TBC1D13: variants seen among roughly 807,000 people sequenced by gnomAD.
The protein encoded by TBC1D13 is epididymis secretory sperm binding protein.
Under a neutral mutation model 53.6 loss-of-function variants are expected in TBC1D13, and 40 were observed. The observed-to-expected ratio is 0.75, with a 90% confidence interval of 0.58 to 0.97. The LOEUF (loss-of-function observed/expected upper bound fraction) is 0.97. Ranked by LOEUF, TBC1D13 falls within the 50% of genes least tolerant of loss-of-function variation. TBC1D13 has a pLI of 0.00. For synonymous variants in TBC1D13, 182 were observed against 197.7 expected (o/e 0.92, Z 0.67); for missense variants, 377 against 499.4 (o/e 0.75, Z 2.34).
Position 128,808,075 on chromosome 9 carries a change from A to C in TBC1D13, c.*196A>C. 1 of 596,270 alleles carries C rather than the reference A, an allele frequency of 1.7e-6. No individual in the cohort carries two copies. The highest frequency in any genetic ancestry group is 1.9e-5 in the African/African-American group (1 of 53,856). The allele number at this position is 596,270 out of a possible 1,614,324, so 36.9% of individuals were successfully genotyped here. A position where few individuals can be genotyped will look rare whatever the true frequency, so the allele number is the denominator to read the frequency against. On this transcript the variant is annotated 3_prime_UTR_variant, in exon 12 of 12. Transcript: ENST00000372648. ...ACGCCCAGCTCCCCACCTGCCCTGC[A>C]CTCTGCCCTCTTTGCCCAGGATACT...
chr9:128,804,590 T>G (rs1829793963), intron 9 of TBC1D13, among the ~76,000 whole-genome samples: 1 of 151,340 alleles, frequency 6.6e-6, no homozygotes, highest in African/African-American at 2.4e-5. Flanking sequence ...GTATTTTTAG[T>G]AGAGATGGAG....
chr9:128,808,467 G>A lies in TBC1D13; in HGVS notation c.*588G>A, dbSNP rs1018903397. The A allele has an allele frequency of 6.2e-6, 1 of 161,098 alleles. No individual in the cohort carries two copies. The highest frequency in any genetic ancestry group is 1.3e-5 in the Non-Finnish European group (1 of 74,902). The allele number at this position is 161,098 out of a possible 1,614,324, so 10.0% of individuals were successfully genotyped here. A position where few individuals can be genotyped will look rare whatever the true frequency, so the allele number is the denominator to read the frequency against. The stretch of plus-strand genomic sequence containing the variant: ...TGTGTGTGTGTGTGTTAGGGAGTGA[G>A]GGTCTCTCAGGCCTCCAGGTCTCCC... On this transcript the variant is annotated 3_prime_UTR_variant, in exon 12 of 12. Coordinates refer to ENST00000372648, the MANE Select transcript of TBC1D13 (RefSeq NM_018201.5).
Position 128,803,428 on chromosome 9 carries a change from C to G in TBC1D13, c.722C>G (p.Thr241Ser), listed in dbSNP as rs1388884936. ...MNEIVGPLYY[T>S]FATDPNSEWK... is the part of the protein sequence containing the mutation. The stretch of plus-strand genomic sequence containing the variant: ...GAAATCGTGGGGCCCCTCTACTACA[C>G]CTTTGCCACCGACCCCAATAGTGAG... The change falls in exon 8 of 12, where the codon ACC becomes AGC. Residue 241 changes from threonine (T) to serine (S), a missense_variant. Coordinates refer to ENST00000372648, the MANE Select transcript of TBC1D13 (RefSeq NM_018201.5). 2 of 1,614,194 alleles carry G rather than the reference C, an allele frequency of 1.2e-6. No homozygotes were observed. Among genetic ancestry groups the G allele is most frequent in the Admixed American group, 3.3e-5 (2 of 60,022 alleles).
At position 128,806,241 on chromosome 9, in the gene TBC1D13, C is replaced by T; in HGVS notation, c.1080-13C>T. 3.7e-6 allele frequency: 6 copies of T among 1,613,518 alleles called. No individual in the cohort carries two copies. The highest frequency in any genetic ancestry group is 5.1e-6 in the Non-Finnish European group (6 of 1,179,396). On this transcript the variant is annotated splice_polypyrimidine_tract_variant and intron_variant, in intron 10 of 11. Coordinates refer to ENST00000372648, the MANE Select transcript of TBC1D13 (RefSeq NM_018201.5). ...ATCCCAGGTCCCAGCGCTTTTGCTG[C>T]TGCTTTTCATAGGCTGATCCGGGAG... is the stretch of plus-strand genomic sequence containing the variant.
Position 128,803,431 on chromosome 9 carries a change from T to G in TBC1D13, c.725T>G (p.Phe242Cys). ...ATCGTGGGGCCCCTCTACTACACCTTTGCCACCGACCCCAATAGTGAGTGG... is the reference window on the plus strand; with the variant it reads ...ATCGTGGGGCCCCTCTACTACACCTGTGCCACCGACCCCAATAGTGAGTGG... Reference protein sequence around the residue: ...NEIVGPLYYTFATDPNSEWKE... With the variant: ...NEIVGPLYYTCATDPNSEWKE... Residue 242 changes from phenylalanine to cysteine, a missense_variant, in exon 8 of 12, where the codon TTT becomes TGT. Physicochemically the swap from Phe to Cys is radical, Grantham distance 205. Coordinates refer to ENST00000372648, the MANE Select transcript of TBC1D13 (RefSeq NM_018201.5). 6.2e-7 allele frequency: 1 copy of G among 1,614,120 alleles called. No individual in the cohort carries two copies. Among genetic ancestry groups the G allele is most frequent in the Non-Finnish European group, 8.5e-7 (1 of 1,180,016 alleles).
At chr9:128,798,489 C>T (rs916824684) in intron 7 of TBC1D13, among the ~76,000 whole-genome samples, 1 of 152,012 alleles carries the variant, frequency 6.6e-6, no homozygotes, top group Non-Finnish European at 1.5e-5. Flanking sequence ...CTGCTTGTGT[C>T]GGAAATGCTT....
At chr9:128,787,780 C>G (rs1047212565) in intron 1 of TBC1D13, among the ~76,000 whole-genome samples, 1 of 152,090 alleles carries the variant, frequency 6.6e-6, no homozygotes, top group African/African-American at 2.4e-5. Context: ...GGCCCCTCCC[C>G]CAGGCCAGAT....
At chr9:128,803,867 G>A (rs1222630970) in intron 8 of TBC1D13, 89 bp from the exon 9 acceptor site, 28 of 1,539,590 alleles carry the variant, frequency 1.8e-5, no homozygotes, top group South Asian at 3.7e-5. Flanking sequence ...GCAACTCGGC[G>A]GGGCTCAGAG....
At chr9:128,807,666 G>T (rs979835653) in intron 11 of TBC1D13, 148 bp from the exon 12 acceptor site, 38 of 781,746 alleles carry the variant, frequency 4.9e-5, no homozygotes, top group Non-Finnish European at 8.5e-5. Flanking sequence ...GGGGTCTGGG[G>T]GTTGGGGAGT....
chr9:128,791,292 T>A (rs1255183464), intron 3 of TBC1D13, 88 bp from the exon 4 acceptor site: 5 of 1,235,054 alleles, frequency 4.0e-6, no homozygotes, highest in Non-Finnish European at 4.8e-6. Context: ...CTTTATGAGA[T>A]GTTTTTCTTG....
chr9:128,793,703 C>A (rs1406472143), intron 6 of TBC1D13, among the ~76,000 whole-genome samples: 1 of 152,156 alleles, frequency 6.6e-6, no homozygotes, highest in African/African-American at 2.4e-5. Context: ...TATCCTGTTC[C>A]TTTTACAACA....
chr9:128,803,959 A>G lies in TBC1D13; in HGVS notation c.758A>G (p.His253Arg). 6.2e-7 allele frequency: 1 copy of G among 1,612,772 alleles called. No homozygotes were observed. The highest frequency in any genetic ancestry group is 8.5e-7 in the Non-Finnish European group (1 of 1,179,944). Residue 253 changes from histidine (H) to arginine (R), a missense_variant, in exon 9 of 12, where the codon CAC (histidine) becomes CGC (arginine). Physicochemically the swap from His to Arg is conservative, Grantham distance 29. Coordinates refer to ENST00000372648, the MANE Select transcript of TBC1D13 (RefSeq NM_018201.5). ...ATDPNSEWKE[H>R]AEADTFFCFT... ...CCCCCATCCTGCTCTCTCCCAGAGC[A>G]CGCCGAGGCAGACACCTTTTTCTGC...
In TBC1D13 at chr9:128,797,090, C is replaced by T. The variant is rs1237593064; in HGVS notation, c.419C>T (p.Ala140Val). Residue 140 changes from alanine (A) to valine (V), a missense_variant, in exon 7 of 12, where the codon GCC becomes GTC. Transcript: ENST00000372648. ...CCAGACATTTCCTTCTTCCAGAGGG[C>T]CACTGACTACCCTTGCCTCCTCATC... ...LCPDISFFQR[A>V]TDYPCLLILD... The T allele has an allele frequency of 6.2e-7, 1 of 1,614,012 alleles. No individual in the cohort carries two copies. Among genetic ancestry groups the T allele is most frequent in the East Asian group, 2.2e-5 (1 of 44,862 alleles).
chr9:128,797,292 A>G, intron 7 of TBC1D13, 78 bp downstream of exon 7: 3 of 1,478,476 alleles, frequency 2.0e-6, no homozygotes, highest in Non-Finnish European at 1.9e-6. Flanking sequence ...CCTGGCCACA[A>G]GGTGTCGGGC....
intron 5 of TBC1D13, 84 bp downstream of exon 5, chr9:128,791,777 CA>C (rs1829537940): frequency 3.3e-6 from 4 of 1,219,906 alleles, no homozygotes; most frequent in Non-Finnish European, 4.8e-6. Context: ...CCCTGCATGC[CA>C]GGGGGTAGGT....
intron 7 of TBC1D13, among the ~76,000 whole-genome samples, chr9:128,800,197 C>T (rs923669506): frequency 5.9e-5 from 9 of 152,036 alleles, no homozygotes; most frequent in African/African-American, 1.7e-4. Context: ...CCTGGGTTCT[C>T]GCATATGGGT....
chr9:128,792,542 C>T lies in TBC1D13; in HGVS notation c.351C>T (p.Asn117=), dbSNP rs768670989. The change falls in exon 6 of 12, where the codon AAC becomes AAT. Residue 117 remains asparagine, a synonymous_variant. Coordinates refer to ENST00000372648, the MANE Select transcript of TBC1D13 (RefSeq NM_018201.5). ...DSRWNTYFKD[N]EVLLQIDKDV... is the part of the protein sequence containing the mutation. ...GGTGGAACACGTACTTCAAGGACAA[C>T]GAGGTGCTGCTGCAGATCGACAAAG... 27 of 1,613,968 alleles carry T rather than the reference C, an allele frequency of 1.7e-5. No individual in the cohort carries two copies. The highest frequency in any genetic ancestry group is 6.6e-5 in the South Asian group (6 of 91,084).
chr9:128,798,553 T>A (rs996869500), intron 7 of TBC1D13, among the ~76,000 whole-genome samples: 2 of 152,200 alleles, frequency 1.3e-5, no homozygotes, highest in Non-Finnish European at 2.9e-5. Flanking sequence ...GGAAGGCCAC[T>A]GCAGTTGTCT....
At chr9:128,792,077 G>A (rs544679265) in intron 5 of TBC1D13, among the ~76,000 whole-genome samples, 2 of 152,318 alleles carry the variant, frequency 1.3e-5, no homozygotes, top group Admixed American at 6.5e-5. Flanking sequence ...GAAAGAAATC[G>A]ATGGGCCCCA....
Sources: allele counts gnomAD v4.1 joint callset (sites outside exome capture counted in the v4.1 genomes callset), GRCh38; gene constraint gnomAD v4.1.1; transcripts MANE v1.5; gene names NCBI Gene and HGNC (gene_info 2026-07-23, HGNC 2026-07-21).